Variants in ST7 observed in about 807,000 individuals in gnomAD.
ST7 encodes suppressor of tumorigenicity 7 protein.
ST7 carries 28 observed loss-of-function variants against 78.7 expected under a neutral mutation model. The ratio of observed to expected loss-of-function variants is 0.36; its 90% confidence interval spans 0.26 to 0.49. The LOEUF is 0.49. ST7 is among the 20% of genes least tolerant of loss of function. ST7 has a pLI of 0.99. For synonymous variants in ST7, 247 were observed against 249.6 expected (o/e 0.99, Z 0.10); for missense variants, 418 against 696.0 (o/e 0.60, Z 4.49).
chr7:116,963,632 CTT>C (rs1026576295), intron 1 of ST7, among the ~76,000 whole-genome samples: 61 of 135,742 alleles, frequency 4.5e-4, no homozygotes, highest in African/African-American at 6.8e-4. Flanking sequence ...TCTTTTTTTT[CTT>C]TTTTTTTTTT....
intron 1 of ST7, chr7:117,020,467 C>T: frequency 2.1e-6 from 2 of 940,778 alleles, no homozygotes; most frequent in Non-Finnish European, 3.1e-6. Context: ...ACAGCTTGGA[C>T]TGCATTGTCT....
chr7:117,107,419 C>A (rs867556776), intron 2 of ST7, among the ~76,000 whole-genome samples: 2 of 152,004 alleles, frequency 1.3e-5, no homozygotes, highest in African/African-American at 2.4e-5. Flanking sequence ...CACATCCATA[C>A]CCATATCTAT....
At chr7:117,080,756 C>A (rs1799710349) in intron 1 of ST7, 1 of 152,116 alleles carries the variant, frequency 6.6e-6, no homozygotes, top group African/African-American at 2.4e-5. Flanking sequence ...AATAGATAAT[C>A]TAGCTTTAAA....
At position 117,055,780 on chromosome 7, in the gene ST7, G is replaced by A. The variant is rs577748731; in HGVS notation, c.152-43982G>A. 9.9e-4 allele frequency among the ~76,000 whole-genome samples: 151 copies of A among 152,110 alleles called. 1 individual carries two copies. The highest frequency in any genetic ancestry group is 3.4e-3 in the Middle Eastern group (1 of 294). On this transcript the variant is annotated intron_variant, in intron 1 of 15. Transcript: ENST00000323984. ...AACTGGCAGTAGGACTTTTTGTTCCGGCTTAATTAACCAGGTGTATTAGTC... is the reference window on the plus strand; with the variant it reads ...AACTGGCAGTAGGACTTTTTGTTCCAGCTTAATTAACCAGGTGTATTAGTC...
At position 117,129,830 on chromosome 7, in the gene ST7, G is replaced by A; in HGVS notation, c.432G>A (p.Arg144=). 6.2e-7 allele frequency: 1 copy of A among 1,610,526 alleles called. No homozygotes were observed. The highest frequency in any genetic ancestry group is 8.5e-7 in the Non-Finnish European group (1 of 1,177,994). Residue 144 remains arginine, a synonymous_variant, in exon 4 of 16, where the codon AGG becomes AGA. Transcript: ENST00000323984. Reference sequence around the variant, plus strand: ...GGCGAAATCCACTAAATTTATTTAGGGGTGCTGAATACAATCGGTAAGCAT... The same window carrying A: ...GGCGAAATCCACTAAATTTATTTAGAGGTGCTGAATACAATCGGTAAGCAT... ...KVWRNPLNLF[R]GAEYNRYTWV...
intron 1 of ST7, among the ~76,000 whole-genome samples, chr7:117,078,962 A>G (rs1383886498): frequency 6.6e-6 from 1 of 152,166 alleles, no homozygotes; most frequent in African/African-American, 2.4e-5. Context: ...TAGGTTCTTC[A>G]ATAAATCTAT....
intron 1 of ST7, among the ~76,000 whole-genome samples, chr7:117,071,672 A>G (rs1798970600): frequency 6.6e-6 from 1 of 152,242 alleles, no homozygotes; most frequent in African/African-American, 2.4e-5. Context: ...CTTAGGGCTG[A>G]GGAGTGCGGT....
intron 10 of ST7, among the ~76,000 whole-genome samples, chr7:117,188,967 C>A (rs907753103): frequency 1.3e-5 from 2 of 152,104 alleles, no homozygotes; most frequent in Admixed American, 1.3e-4. Context: ...GTGACAAAGA[C>A]ACTTTCATGT....
intron 1 of ST7, chr7:116,954,121 G>A (rs1792307747): frequency 1.3e-5 from 2 of 151,942 alleles, no homozygotes; most frequent in South Asian, 4.1e-4. Flanking sequence ...TGGGTGCCAA[G>A]CGGCCGAAGT....
intron 7 of ST7, 53 bp from the exon 8 acceptor site, chr7:117,136,028 A>G (rs1804764214): frequency 2.5e-6 from 4 of 1,593,980 alleles, no homozygotes; most frequent in African/African-American, 1.3e-5. Flanking sequence ...CCTACAGTCT[A>G]TTACCATGTC....
At chr7:117,042,645 C>T (rs998793616) in intron 1 of ST7, among the ~76,000 whole-genome samples, 1 of 152,128 alleles carries the variant, frequency 6.6e-6, no homozygotes, top group Admixed American at 6.5e-5. Context: ...TGGCATTCTT[C>T]ACTCTTGTAG....
At chr7:117,098,708 C>T (rs1801317548) in intron 1 of ST7, 3 of 1,164,662 alleles carry the variant, frequency 2.6e-6, no homozygotes, top group Non-Finnish European at 3.4e-6. Flanking sequence ...ATGCCAAAGC[C>T]TTTCCCTCTA....
At chr7:117,126,306 T>C (rs921259661) in intron 3 of ST7, among the ~76,000 whole-genome samples, 15 of 151,976 alleles carry the variant, frequency 9.9e-5, no homozygotes, top group Non-Finnish European at 1.9e-4. Flanking sequence ...AAATTGGGTG[T>C]AGAATAATAT....
chr7:116,992,872 A>G (rs1794489499), intron 1 of ST7, among the ~76,000 whole-genome samples: 1 of 152,140 alleles, frequency 6.6e-6, no homozygotes, highest in African/African-American at 2.4e-5. Flanking sequence ...ACCCTAAATT[A>G]TCTCCCTTAA....
chr7:117,039,391 T>A (rs1261215782), intron 1 of ST7, among the ~76,000 whole-genome samples: 2 of 152,050 alleles, frequency 1.3e-5, no homozygotes, highest in African/African-American at 4.8e-5. Context: ...CTGGGCAACA[T>A]AGGGAAACCC....
chr7:117,069,877 GCAGCTCA>G (rs1348287214), intron 1 of ST7, among the ~76,000 whole-genome samples: 1 of 152,196 alleles, frequency 6.6e-6, no homozygotes, highest in Non-Finnish European at 1.5e-5. Context: ...ACAGGCAAAA[GCAGCTCA>G]CTGCTGAAAC....
intron 1 of ST7, chr7:116,972,235 C>A (rs1793463696): frequency 3.7e-6 from 2 of 533,718 alleles, no homozygotes; most frequent in East Asian, 3.8e-5. Flanking sequence ...TCCTTTGGTG[C>A]ATTTGAGTTT....
chr7:117,097,239 C>A (rs2116758932), intron 1 of ST7, among the ~76,000 whole-genome samples: 1 of 151,668 alleles, frequency 6.6e-6, no homozygotes, highest in Middle Eastern at 3.4e-3. Context: ...CAATGGTGTT[C>A]AGTTTGTTTG....
At chr7:117,096,236 T>C (rs890571345) in intron 1 of ST7, among the ~76,000 whole-genome samples, 1 of 152,078 alleles carries the variant, frequency 6.6e-6, no homozygotes, top group Non-Finnish European at 1.5e-5. Context: ...GGCAAGATAT[T>C]TTTTGGTTTT....
Sources: gnomAD v4.1 joint callset for allele counts (sites outside exome capture counted in the v4.1 genomes callset) on GRCh38, gnomAD v4.1.1 for gene constraint, MANE v1.5 for transcripts, NCBI Gene and HGNC (gene_info 2026-07-23, HGNC 2026-07-21) for gene names.